NUP160: variants seen among roughly 807,000 people sequenced by gnomAD.
NUP160 encodes nuclear pore complex protein Nup160.
Under a neutral mutation model 196.9 loss-of-function variants are expected in NUP160, and 94 were observed. The ratio of observed to expected loss-of-function variants is 0.48; its 90% CI spans 0.40 to 0.57. NUP160 has a LOEUF of 0.57. NUP160 is among the 20% of genes least tolerant of loss of function. NUP160 has a pLI of 0.00. For missense variants in NUP160, 1,638 were observed against 1,748.3 expected (o/e 0.94, Z 1.13); for synonymous variants, 605 against 619.7 (o/e 0.98, Z 0.35).
chr11:47,819,574 T>G (rs937432585), intron 9 of NUP160, 116 bp from the exon 10 acceptor site: 5 of 563,626 alleles, frequency 8.9e-6, no homozygotes, highest in Non-Finnish European at 1.6e-5. Context: ...AATGACTGCT[T>G]CATCAATTCT....
rs557333761 is a variant in NUP160 at position 47,839,891 on chromosome 11, C to T, written c.700G>A (p.Ala234Thr). 4.3e-6 allele frequency: 7 copies of T among 1,614,120 alleles called. No homozygotes were observed. The African/African-American group carries it at 9.3e-5, about 22-fold the overall frequency. ...TTAAGAACAAAGATTCCCCCAGAAG[C>T]ACATGGTAAGGCAAACAGGGCCTCC... is the stretch of plus-strand genomic sequence containing the variant. The change falls in exon 4 of 36, where the codon GCT (alanine) becomes ACT (threonine). Residue 234 changes from alanine (A) to threonine (T), a missense_variant. Transcript: ENST00000378460.
intron 27 of NUP160, among the ~76,000 whole-genome samples, chr11:47,795,272 A>G (rs1305485611): frequency 6.6e-6 from 1 of 152,214 alleles, no homozygotes; most frequent in Non-Finnish European, 1.5e-5. Flanking sequence ...ATATTTTTGA[A>G]TACCTGCAAT....
chr11:47,812,785 A>C (rs1223075568), intron 15 of NUP160, 97 bp downstream of exon 15: 2 of 977,232 alleles, frequency 2.0e-6, no homozygotes, highest in Non-Finnish European at 3.0e-6. Flanking sequence ...TTAAGCTACT[A>C]TTCTGTACGC....
At chr11:47,800,451 A>G (rs1262797260) in intron 23 of NUP160, among the ~76,000 whole-genome samples, 1 of 150,372 alleles carries the variant, frequency 6.7e-6, no homozygotes, top group Non-Finnish European at 1.5e-5. Context: ...GTGCAGTGGC[A>G]CGATCTCAGC....
At chr11:47,837,699 G>A (rs1478753852) in intron 4 of NUP160, 76 bp from the exon 5 acceptor site, 3 of 1,124,170 alleles carry the variant, frequency 2.7e-6, no homozygotes, top group Non-Finnish European at 4.1e-6. Flanking sequence ...CCATGAACAA[G>A]GTCTTTATAA....
At chr11:47,806,386 C>A in intron 19 of NUP160, 74 bp from the exon 20 acceptor site, 1 of 1,192,384 alleles carries the variant, frequency 8.4e-7, no homozygotes, top group South Asian at 1.4e-5. Flanking sequence ...TCTATCAATT[C>A]ATTTTATGCT....
At chr11:47,789,329 G>A (rs1047141796) in intron 29 of NUP160, among the ~76,000 whole-genome samples, 1 of 152,118 alleles carries the variant, frequency 6.6e-6, no homozygotes, top group Non-Finnish European at 1.5e-5. Context: ...TTATAATTGT[G>A]AAATACTGTC....
chr11:47,843,099 A>G (rs1852337332), intron 2 of NUP160, among the ~76,000 whole-genome samples: 1 of 152,188 alleles, frequency 6.6e-6, no homozygotes. Context: ...TGCATCTACT[A>G]GGTCATTCCC....
At chr11:47,815,877 T>G in intron 12 of NUP160, 69 bp downstream of exon 12, 1 of 1,227,222 alleles carries the variant, frequency 8.1e-7, no homozygotes, top group South Asian at 1.3e-5. Flanking sequence ...CAGTAATTCC[T>G]CGGTCAGTAC....
At chr11:47,801,842 A>G in exon 23 of NUP160, 2 of 1,613,616 alleles carry the variant, frequency 1.2e-6, no homozygotes, top group South Asian at 2.2e-5. Flanking sequence ...GGGGGTAGAC[A>G]CGATCTCCCC....
chr11:47,815,149 C>T lies in NUP160; in HGVS notation c.1686+330G>A, dbSNP rs183636903. The T allele has an allele frequency of 5.1e-3, 803 of 158,882 alleles. 9 individuals carry two copies. Among genetic ancestry groups the T allele is most frequent in the African/African-American group, 0.017 (718 of 41,690 alleles). 9.8% of individuals were successfully genotyped at this position (158,882 alleles called of 1,614,324 possible). On this transcript the variant is annotated intron_variant, in intron 13 of 35. Transcript: ENST00000378460. ...AGGAGAATTGCTTGAATCCCAGAGGCGGAGGTTGCAGTGAGCTGAGATCAC... is the reference window on the plus strand; with the variant it reads ...AGGAGAATTGCTTGAATCCCAGAGGTGGAGGTTGCAGTGAGCTGAGATCAC...
Position 47,788,171 on chromosome 11 carries a change from T to C in NUP160, c.3746+11A>G. The C allele has an allele frequency of 6.2e-7, 1 of 1,602,606 alleles. No individual in the cohort carries two copies. The highest frequency in any genetic ancestry group is 8.5e-7 in the Non-Finnish European group (1 of 1,174,542). The stretch of plus-strand genomic sequence containing the variant: ...TTAGAAAAGACTATAAAAAAATAAT[T>C]TTATACATACTTGAAGGCAAGCCCT... On this transcript the variant is annotated intron_variant, in intron 31 of 35. Coordinates refer to ENST00000378460, the Ensembl canonical transcript of NUP160.
At chr11:47,847,753 A>G in intron 2 of NUP160, 95 bp downstream of exon 2, 2 of 796,876 alleles carry the variant, frequency 2.5e-6, no homozygotes, top group Non-Finnish European at 4.5e-6. Flanking sequence ...CTAAGTGTCA[A>G]TTACCGCTTC....
At chr11:47,797,956 A>G (rs760742471) in intron 26 of NUP160, 22 bp downstream of exon 26, 2 of 1,548,118 alleles carry the variant, frequency 1.3e-6, no homozygotes, top group Non-Finnish European at 1.8e-6. Flanking sequence ...GTTGAAAGCC[A>G]TCACTGGATA....
intron 19 of NUP160, 104 bp downstream of exon 19, chr11:47,806,966 A>G: frequency 2.6e-6 from 2 of 769,460 alleles, no homozygotes; most frequent in South Asian, 3.3e-5. Flanking sequence ...GAAAGCAAAG[A>G]GCCTAGCCAA....
intron 13 of NUP160, among the ~76,000 whole-genome samples, chr11:47,814,881 G>A (rs1379465848): frequency 6.6e-6 from 1 of 152,134 alleles, no homozygotes; most frequent in Non-Finnish European, 1.5e-5. Flanking sequence ...GGGTATACAG[G>A]AATTCTTTGT....
At chr11:47,800,626 G>A (rs1269714935) in intron 23 of NUP160, among the ~76,000 whole-genome samples, 6 of 152,056 alleles carry the variant, frequency 3.9e-5, no homozygotes, top group East Asian at 3.9e-4. Context: ...TACTGACCTC[G>A]TGATCCGCCC....
chr11:47,784,053 CA>C (rs1278594883), intron 33 of NUP160, among the ~76,000 whole-genome samples: 1 of 150,592 alleles, frequency 6.6e-6, no homozygotes, highest in Non-Finnish European at 1.5e-5. Flanking sequence ...CAAAACAAAA[CA>C]AAAAAAACCA....
exon 6 of NUP160, chr11:47,836,964 C>T: frequency 6.2e-7 from 1 of 1,613,800 alleles, no homozygotes; most frequent in Admixed American, 1.7e-5. Flanking sequence ...CAATGAACAG[C>T]AAGACTGAGG....
Sources: allele counts gnomAD v4.1 joint callset (sites outside exome capture counted in the v4.1 genomes callset), GRCh38; gene constraint gnomAD v4.1.1; transcripts MANE v1.5; gene names NCBI Gene and HGNC (gene_info 2026-07-23, HGNC 2026-07-21).